The following MUSK variants were observed in gnomAD, a reference collection of about 807,000 sequenced individuals.
The protein encoded by MUSK is muscle associated receptor tyrosine kinase, also known as muscle, skeletal receptor tyrosine-protein kinase.
In MUSK, 55 loss-of-function variants were observed where a neutral mutation model predicts 88.7. The ratio of observed to expected loss-of-function variants is 0.62; its 90% CI spans 0.50 to 0.78. MUSK has a LOEUF of 0.78. Ranked by LOEUF, MUSK falls within the 30% of genes least tolerant of loss-of-function variation. The pLI is 0.00. For missense variants in MUSK, 1,015 were observed against 1,074.3 expected (o/e 0.94, Z 0.77); for synonymous variants, 387 against 391.9 (o/e 0.99, Z 0.15).
rs1159544944 is a variant in MUSK, at chr9:110,701,682, T to G, written c.628+4216T>G. On this transcript the variant is annotated intron_variant, in intron 5 of 14. Coordinates refer to ENST00000374448, the MANE Select transcript of MUSK (RefSeq NM_005592.4). ...TTTTATTTATTTTATTTTATTTTTT[T>G]TACTTTACTTTATTTTATTTTATTT... Among the ~76,000 whole-genome samples the G allele has an allele frequency of 2.8e-4, 2 of 7,194 alleles. 1 individual carries two copies. Among genetic ancestry groups the G allele is most frequent in the Non-Finnish European group, 4.3e-4 (2 of 4,604 alleles). 4.7% of individuals were successfully genotyped at this position (7,194 alleles called of 152,430 possible).
At chr9:110,715,792 T>G (rs914388955) in intron 5 of MUSK, among the ~76,000 whole-genome samples, 2 of 148,852 alleles carry the variant, frequency 1.3e-5, no homozygotes, top group Non-Finnish European at 3.0e-5. Context: ...TATGCAGCCA[T>G]AAAAAGGAAA....
intron 5 of MUSK, among the ~76,000 whole-genome samples, chr9:110,720,355 CAAGAA>C (rs1374700666): frequency 6.6e-6 from 1 of 151,666 alleles, no homozygotes; most frequent in Non-Finnish European, 1.5e-5. Flanking sequence ...CTAGATTAAC[CAAGAA>C]AAGAAGACAG....
chr9:110,735,013 G>A (rs1276341320), intron 6 of MUSK, among the ~76,000 whole-genome samples: 1 of 152,068 alleles, frequency 6.6e-6, no homozygotes, highest in South Asian at 2.1e-4. Flanking sequence ...TATGTTGTAT[G>A]TGTATGGTGT....
At chr9:110,681,996 T>C (rs975141580) in intron 1 of MUSK, among the ~76,000 whole-genome samples, 1 of 152,054 alleles carries the variant, frequency 6.6e-6, no homozygotes, top group Non-Finnish European at 1.5e-5. Context: ...CCTCCTGTTG[T>C]CTTAAAAAAA....
intron 5 of MUSK, among the ~76,000 whole-genome samples, chr9:110,702,917 A>G (rs575256421): frequency 6.6e-6 from 1 of 151,784 alleles, no homozygotes; most frequent in Non-Finnish European, 1.5e-5. Flanking sequence ...ATAATAAAAA[A>G]CCTACATACA....
chr9:110,693,639 T>C (rs958051566), intron 3 of MUSK, among the ~76,000 whole-genome samples: 6 of 152,238 alleles, frequency 3.9e-5, no homozygotes, highest in Non-Finnish European at 8.8e-5. Flanking sequence ...TAGTCATTCC[T>C]AGTTGACTTT....
At chr9:110,714,680 A>T (rs2076723003) in intron 5 of MUSK, among the ~76,000 whole-genome samples, 1 of 152,170 alleles carries the variant, frequency 6.6e-6, no homozygotes. Flanking sequence ...TTTAATGATA[A>T]GGGTTTGAGA....
At position 110,682,696 on chromosome 9, in the gene MUSK, T is replaced by G. The variant is rs368035058; in HGVS notation, c.102T>G (p.Leu34=). The change falls in exon 2 of 15, where the codon CTT becomes CTG. Residue 34 remains leucine (L), a synonymous_variant. Coordinates refer to ENST00000374448, the MANE Select transcript of MUSK (RefSeq NM_005592.4). ...LPKAPVITTP[L]ETVDALVEEV... ...CAGCTCCTGTCATCACCACTCCTCTTGAAACAGTGGATGCCTTAGTTGAAG... is the reference window on the plus strand; with the variant it reads ...CAGCTCCTGTCATCACCACTCCTCTGGAAACAGTGGATGCCTTAGTTGAAG... 2 of 1,612,504 alleles carry G rather than the reference T, an allele frequency of 1.2e-6. No individual in the cohort carries two copies. Among genetic ancestry groups the G allele is most frequent in the African/African-American group, 2.7e-5 (2 of 74,858 alleles).
At chr9:110,691,527 C>G (rs2076355649) in intron 3 of MUSK, among the ~76,000 whole-genome samples, 1 of 152,094 alleles carries the variant, frequency 6.6e-6, no homozygotes, top group Admixed American at 6.6e-5. Context: ...ATACTTAGTT[C>G]TTTCTTCTAC....
At chr9:110,685,198 T>A (rs1228313478) in intron 2 of MUSK, among the ~76,000 whole-genome samples, 1 of 152,290 alleles carries the variant, frequency 6.6e-6, no homozygotes, top group East Asian at 1.9e-4. Flanking sequence ...AAATGCTTTT[T>A]CAGCATATAT....
At chr9:110,785,791 G>C (rs2077847244) in intron 13 of MUSK, 73 bp downstream of exon 13, 1 of 1,025,028 alleles carries the variant, frequency 9.8e-7, no homozygotes. Context: ...CTATTAGCTT[G>C]GTATATATAT....
At chr9:110,782,745 G>C (rs1245379913) in intron 11 of MUSK, among the ~76,000 whole-genome samples, 1 of 152,130 alleles carries the variant, frequency 6.6e-6, no homozygotes, top group African/African-American at 2.4e-5. Context: ...GAAAACTTGG[G>C]ATGACTCAGT....
chr9:110,698,338 T>C, intron 5 of MUSK, among the ~76,000 whole-genome samples: 1 of 152,318 alleles, frequency 6.6e-6, no homozygotes, highest in South Asian at 2.1e-4. Context: ...TCAATAAATG[T>C]TGGCTATAAG....
At chr9:110,785,761 A>C in intron 13 of MUSK, 43 bp downstream of exon 13, 4 of 1,495,280 alleles carry the variant, frequency 2.7e-6, no homozygotes, top group Non-Finnish European at 3.6e-6. Context: ...GAAATATGTT[A>C]TGTCTGAAAA....
rs528214457 is a variant in MUSK at position 110,733,212 on chromosome 9, C to T, written c.629-1039C>T. Among the ~76,000 whole-genome samples the T allele has an allele frequency of 2.0e-3, 310 of 152,150 alleles. 2 individuals carry two copies. The highest frequency in any genetic ancestry group is 3.1e-3 in the Admixed American group (47 of 15,258). On this transcript the variant is annotated intron_variant, in intron 5 of 14. Coordinates refer to ENST00000374448, the MANE Select transcript of MUSK (RefSeq NM_005592.4). ...GTATAATAGGCCATCCAAAAGATTC[C>T]GTAATAGTTTAAACAAACACTGAAT...
Position 110,682,733 on chromosome 9 carries a change from T to G in MUSK, c.139T>G (p.Phe47Val). 6.2e-7 allele frequency: 1 copy of G among 1,612,940 alleles called. No homozygotes were observed. Among genetic ancestry groups the G allele is most frequent in the Non-Finnish European group, 8.5e-7 (1 of 1,179,078 alleles). Residue 47 changes from phenylalanine (F) to valine (V), a missense_variant, in exon 2 of 15, where the codon TTC (phenylalanine) becomes GTC (valine). Coordinates refer to ENST00000374448, the MANE Select transcript of MUSK (RefSeq NM_005592.4). ...VDALVEEVAT[F>V]MCAVESYPQP... is the part of the protein sequence containing the mutation. ...TGCCTTAGTTGAAGAAGTGGCTACTTTCATGTGTGCAGTGGAATCCTACCC... is the reference window on the plus strand; with the variant it reads ...TGCCTTAGTTGAAGAAGTGGCTACTGTCATGTGTGCAGTGGAATCCTACCC...
At position 110,682,688 on chromosome 9, in the gene MUSK, AC is replaced by A. The variant is rs2076148450; in HGVS notation, c.95del (p.Thr32IlefsTer9). On this transcript the variant is annotated frameshift_variant, in exon 2 of 15. Transcript: ENST00000374448. LOFTEE classifies it high-confidence loss of function. ...TTTCCTTTCAGCTCCTGTCATCACC[AC>A]TCCTCTTGAAACAGTGGATGCCTTA... The part of the protein sequence containing the change: ...EKLPKAPVIT[T>X]PLETVDALVE... 6.2e-7 allele frequency: 1 copy of A among 1,611,680 alleles called. No homozygotes were observed. The highest frequency in any genetic ancestry group is 1.3e-5 in the African/African-American group (1 of 74,654).
intron 1 of MUSK, among the ~76,000 whole-genome samples, chr9:110,682,413 C>G (rs1248874530): frequency 1.3e-5 from 2 of 151,780 alleles, no homozygotes; most frequent in Non-Finnish European, 2.9e-5. Flanking sequence ...ACTTGGGCCC[C>G]ATAAAACTTG....
At chr9:110,786,310 CAAAAA>C (rs60666436) in intron 13 of MUSK, among the ~76,000 whole-genome samples, 1 of 75,496 alleles carries the variant, frequency 1.3e-5, no homozygotes, top group African/African-American at 4.7e-5. Context: ...GACTCTGTCT[CAAAAA>C]AAAAAAAAAA....
Sources: allele counts gnomAD v4.1 joint callset (sites outside exome capture counted in the v4.1 genomes callset), GRCh38; gene constraint gnomAD v4.1.1; transcripts MANE v1.5; gene names NCBI Gene and HGNC (gene_info 2026-07-23, HGNC 2026-07-21).